Variants in FAM110B observed in about 807,000 individuals in gnomAD.
FAM110B encodes protein FAM110B.
FAM110B carries 6 observed loss-of-function variants against 20.4 expected under a neutral mutation model. The observed-to-expected ratio is 0.29, with a 90% CI of 0.16 to 0.58. The LOEUF is 0.58. Ranked by LOEUF, FAM110B falls within the 20% of genes least tolerant of loss-of-function variation. The pLI is 0.90. For missense variants in FAM110B, 434 were observed against 498.2 expected, an observed-to-expected ratio of 0.87 and a Z score of 1.23; for synonymous variants, 226 against 214.1, an observed-to-expected ratio of 1.06 and a Z score of -0.49.
intron 1 of FAM110B, among the ~76,000 whole-genome samples, chr8:58,002,293 A>G (rs961544378): frequency 3.3e-5 from 5 of 152,234 alleles, no homozygotes; most frequent in South Asian, 2.1e-4. Context: ...CTGTAATACA[A>G]TCAGAGTCAG....
intron 3 of FAM110B, among the ~76,000 whole-genome samples, chr8:58,119,399 T>A (rs1004602525): frequency 1.3e-5 from 2 of 152,192 alleles, no homozygotes; most frequent in Non-Finnish European, 2.9e-5. Flanking sequence ...CACACCCCCG[T>A]AAGCCTCTTT....
At chr8:58,136,028 T>C (rs1000643948) in intron 3 of FAM110B, among the ~76,000 whole-genome samples, 10 of 63,898 alleles carry the variant, frequency 1.6e-4, no homozygotes, top group Non-Finnish European at 2.8e-4. Flanking sequence ...TTTTTTTTTT[T>C]TAGACAGAGT....
At chr8:58,063,413 G>C (rs1163683594) in intron 2 of FAM110B, among the ~76,000 whole-genome samples, 1 of 152,148 alleles carries the variant, frequency 6.6e-6, no homozygotes, top group African/African-American at 2.4e-5. Context: ...TACTCAAAGA[G>C]ATACAGCATA....
intron 2 of FAM110B, among the ~76,000 whole-genome samples, chr8:58,052,511 C>T (rs1490449059): frequency 6.6e-6 from 1 of 151,894 alleles, no homozygotes; most frequent in Non-Finnish European, 1.5e-5. Flanking sequence ...GGGGATATAG[C>T]AGGAAACAAA....
chr8:58,006,925 T>G (rs111484955), intron 1 of FAM110B, among the ~76,000 whole-genome samples: 8 of 55,874 alleles, frequency 1.4e-4, no homozygotes, highest in African/African-American at 3.4e-4. Context: ...ATATATATAT[T>G]TTTCCAAAAC....
chr8:58,077,401 C>G (rs1206727433), intron 3 of FAM110B, among the ~76,000 whole-genome samples: 1 of 152,210 alleles, frequency 6.6e-6, no homozygotes, highest in Non-Finnish European at 1.5e-5. Flanking sequence ...CACCACCCCT[C>G]CTCTCTCTTG....
At chr8:58,026,813 CT>C (rs1180911133) in intron 1 of FAM110B, among the ~76,000 whole-genome samples, 6 of 152,168 alleles carry the variant, frequency 3.9e-5, no homozygotes, top group Middle Eastern at 3.2e-3. Context: ...TACAATCAAA[CT>C]TCTACATATG....
chr8:58,144,152 T>A (rs1803802700), intron 3 of FAM110B, among the ~76,000 whole-genome samples: 1 of 152,172 alleles, frequency 6.6e-6, no homozygotes, highest in Admixed American at 6.5e-5. Flanking sequence ...GTTGCAGATC[T>A]TGGTCCTGCC....
chr8:58,135,265 G>A (rs1803583032), intron 3 of FAM110B, among the ~76,000 whole-genome samples: 1 of 152,138 alleles, frequency 6.6e-6, no homozygotes, highest in Non-Finnish European at 1.5e-5. Context: ...TGTGTGAAAG[G>A]CATTATTACA....
chr8:58,052,677 G>A lies in FAM110B; in HGVS notation c.-414+20974G>A, dbSNP rs566599887. ...ATGTATATTGCAGGGGTGGGATAGG[G>A]TAGCGATTTTAGAGAGCGTGGTAGG... On this transcript the variant is annotated intron_variant, in intron 2 of 3. Transcript: ENST00000519262. Among the ~76,000 whole-genome samples the A allele has an allele frequency of 2.0e-5, 3 of 151,730 alleles. No individual in the cohort carries two copies. In the South Asian group the frequency reaches 6.3e-4, roughly 32 times the overall value.
At chr8:58,055,349 T>C (rs1370530224) in intron 2 of FAM110B, among the ~76,000 whole-genome samples, 3 of 152,232 alleles carry the variant, frequency 2.0e-5, no homozygotes, top group African/African-American at 4.8e-5. Context: ...CAGACTGTGT[T>C]GGAATAGGTT....
At chr8:58,004,977 A>G (rs1804371557) in intron 1 of FAM110B, among the ~76,000 whole-genome samples, 2 of 152,204 alleles carry the variant, frequency 1.3e-5, no homozygotes, top group Admixed American at 6.5e-5. Flanking sequence ...TAGCTGGAGT[A>G]GCAGTTTAAG....
At chr8:57,999,759 A>G (rs1804255726) in intron 1 of FAM110B, among the ~76,000 whole-genome samples, 1 of 152,180 alleles carries the variant, frequency 6.6e-6, no homozygotes, top group African/African-American at 2.4e-5. Flanking sequence ...AATAAATGAA[A>G]AGCGAATTTA....
intron 1 of FAM110B, among the ~76,000 whole-genome samples, chr8:58,019,799 G>A (rs1311522071): frequency 6.6e-6 from 1 of 152,130 alleles, no homozygotes; most frequent in African/African-American, 2.4e-5. Flanking sequence ...ATTTTCAGCA[G>A]TTAGACTCCA....
At chr8:58,099,384 C>G (rs1229936765) in intron 3 of FAM110B, among the ~76,000 whole-genome samples, 2 of 152,070 alleles carry the variant, frequency 1.3e-5, no homozygotes, top group African/African-American at 4.8e-5. Flanking sequence ...CAAAACACTT[C>G]TGGTCCCACA....
In FAM110B at chr8:58,055,600, C is replaced by A. The variant is rs1172241939; in HGVS notation, c.-413-19935C>A. ...TTCAAAGCATGGCATTCTCAGTGCCCTTTTGAAGTTGAGTGAATCAGTTGA... is the reference window on the plus strand; with the variant it reads ...TTCAAAGCATGGCATTCTCAGTGCCATTTTGAAGTTGAGTGAATCAGTTGA... On this transcript the variant is annotated intron_variant, in intron 2 of 3. Coordinates refer to ENST00000519262, the MANE Select transcript of FAM110B (RefSeq NM_001377989.1). Among the ~76,000 whole-genome samples the A allele has an allele frequency of 4.6e-5, 7 of 152,156 alleles. No individual in the cohort carries two copies. The East Asian group carries it at 9.6e-4, about 21-fold the overall frequency.
At chr8:58,010,858 T>C (rs1804520219) in intron 1 of FAM110B, among the ~76,000 whole-genome samples, 1 of 152,240 alleles carries the variant, frequency 6.6e-6, no homozygotes, top group Non-Finnish European at 1.5e-5. Flanking sequence ...AATTCATTTA[T>C]GTGAAATTTT....
intron 2 of FAM110B, among the ~76,000 whole-genome samples, chr8:58,052,504 G>T (rs1805467354): frequency 6.6e-6 from 1 of 152,054 alleles, no homozygotes; most frequent in African/African-American, 2.4e-5. Context: ...GCAGACTGGG[G>T]ATATAGCAGG....
intron 3 of FAM110B, among the ~76,000 whole-genome samples, chr8:58,077,954 C>A (rs1273723838): frequency 6.6e-6 from 1 of 152,230 alleles, no homozygotes; most frequent in African/African-American, 2.4e-5. Flanking sequence ...TCAGTTTTCC[C>A]ATAAATAGAT....
Sources: allele counts gnomAD v4.1 joint callset (sites outside exome capture counted in the v4.1 genomes callset), GRCh38; gene constraint gnomAD v4.1.1; transcripts MANE v1.5; gene names NCBI Gene and HGNC (gene_info 2026-07-23, HGNC 2026-07-21).